Variants in GBF1 observed in about 807,000 individuals in gnomAD.
GBF1 encodes golgi brefeldin A resistant guanine nucleotide exchange factor 1.
In GBF1, 114 loss-of-function variants were observed where a neutral mutation model predicts 210.5. That is an observed-to-expected ratio of 0.54 (90% CI 0.47 to 0.63). The LOEUF (loss-of-function observed/expected upper bound fraction) is 0.63, where lower values mean the gene tolerates loss of function less well. Among genes scored for constraint, GBF1 ranks in the 30% least tolerant of loss-of-function variants. The probability of loss-of-function intolerance (pLI) is 0.00; values close to 1 mark genes in which losing one functional copy is unlikely to be tolerated. For synonymous variants in GBF1, 850 were observed against 889.2 expected (o/e 0.96, Z 0.78); for missense variants, 1,851 against 2,357.7 (o/e 0.79, Z 4.45).
chr10:102,277,094 A>G (rs2133386920), intron 3 of GBF1, among the ~76,000 whole-genome samples: 1 of 152,298 alleles, frequency 6.6e-6, no homozygotes, highest in South Asian at 2.1e-4. Context: ...TGGAAGGCCA[A>G]GATGAGAGGA....
In GBF1 at chr10:102,349,126, G is replaced by T. The variant is rs1452972077; in HGVS notation, c.296-2130G>T. 2.0e-5 allele frequency among the ~76,000 whole-genome samples: 3 copies of T among 152,068 alleles called. No individual in the cohort carries two copies. The South Asian group carries it at 6.2e-4, about 32-fold the overall frequency. ...ATTGCACCACTGCACCCCAGCCTGG[G>T]CGATAGAGCAAGACCCTGTCTATTT... On this transcript the variant is annotated intron_variant, in intron 4 of 39. Transcript: ENST00000369983.
chr10:102,362,374 G>A, intron 14 of GBF1, 101 bp from the exon 15 acceptor site: 1 of 852,576 alleles, frequency 1.2e-6, no homozygotes, highest in Non-Finnish European at 1.9e-6. Flanking sequence ...GTTTTCTAAG[G>A]GCAATGTACA....
chr10:102,352,369 A>C (rs1210796619), intron 6 of GBF1, 89 bp from the exon 7 acceptor site: 5 of 911,006 alleles, frequency 5.5e-6, no homozygotes, highest in Non-Finnish European at 9.2e-6. Flanking sequence ...CTTGGTAAAC[A>C]AGGTTTGGAG....
At chr10:102,314,160 T>TC (rs1265376314) in intron 3 of GBF1, among the ~76,000 whole-genome samples, 38 of 150,658 alleles carry the variant, frequency 2.5e-4, no homozygotes, top group African/African-American at 8.0e-4. Context: ...TTTTTTTTTT[T>TC]CTGGAGTCAG....
At chr10:102,341,487 T>C (rs542956997) in intron 3 of GBF1, among the ~76,000 whole-genome samples, 1 of 152,240 alleles carries the variant, frequency 6.6e-6, no homozygotes, top group Non-Finnish European at 1.5e-5. Context: ...CAAACACTGA[T>C]ACACAAATGT....
upstream of GBF1, among the ~76,000 whole-genome samples, chr10:102,244,776 C>G (rs116121671): frequency 2.5e-3 from 384 of 152,308 alleles, 2 homozygotes; most frequent in African/African-American, 8.8e-3. Flanking sequence ...GGGTTCGTCT[C>G]TCTGCTCTGC....
intron 3 of GBF1, among the ~76,000 whole-genome samples, chr10:102,265,683 C>CAATGAATG (rs559652556): frequency 4.6e-5 from 7 of 151,844 alleles, no homozygotes; most frequent in African/African-American, 7.3e-5. Flanking sequence ...GAGACCCTTT[C>CAATGAATG]AATGAATGAA....
chr10:102,303,708 A>G (rs1188781112), intron 3 of GBF1, among the ~76,000 whole-genome samples: 2 of 152,216 alleles, frequency 1.3e-5, no homozygotes, highest in African/African-American at 4.8e-5. Flanking sequence ...AAGGACTTCA[A>G]AAATTTAATC....
In GBF1 at chr10:102,259,026, A is replaced by G; in HGVS notation, c.88A>G (p.Thr30Ala). ...ACGAAATGCCCGATGGAGCACCCAT[A>G]CACCACTGGTAAGTGGGAAATGGAT... The part of the protein sequence containing the change: ...IKRNARWSTH[T>A]PLDEERDPLL... Residue 30 changes from threonine (T) to alanine (A), a missense_variant, in exon 2 of 40, where the codon ACA (threonine) becomes GCA (alanine). Coordinates refer to ENST00000369983, the MANE Select transcript of GBF1 (RefSeq NM_001377137.1). 6.5e-7 allele frequency: 1 copy of G among 1,539,186 alleles called. No homozygotes were observed. Among genetic ancestry groups the G allele is most frequent in the South Asian group, 1.1e-5 (1 of 89,678 alleles).
chr10:102,365,940 A>G, intron 18 of GBF1, among the ~76,000 whole-genome samples: 1 of 150,890 alleles, frequency 6.6e-6, no homozygotes, highest in East Asian at 1.9e-4. Context: ...TGATAGAGTG[A>G]GACCTTGGCT....
the GBF1 span, among the ~76,000 whole-genome samples, chr10:102,236,267 G>A: frequency 2.6e-5 from 4 of 152,222 alleles, no homozygotes; most frequent in Admixed American, 1.3e-4. Context: ...TCACTCAGTG[G>A]ATAGGGAAGA....
At chr10:102,302,986 CTTT>C (rs1210930617) in intron 3 of GBF1, among the ~76,000 whole-genome samples, 8 of 125,020 alleles carry the variant, frequency 6.4e-5, no homozygotes, top group Non-Finnish European at 3.4e-5. Flanking sequence ...CCATTTTAAG[CTTT>C]TTTTTTTTTT....
chr10:102,298,779 C>T (rs932806889), intron 3 of GBF1, among the ~76,000 whole-genome samples: 1 of 152,180 alleles, frequency 6.6e-6, no homozygotes, highest in African/African-American at 2.4e-5. Flanking sequence ...AGAAGTGGGA[C>T]TGTAAACCTA....
chr10:102,236,443 G>C, the GBF1 span, among the ~76,000 whole-genome samples: 1 of 152,230 alleles, frequency 6.6e-6, no homozygotes. Flanking sequence ...GGATGTGAGG[G>C]ATGTGTGGCC....
At chr10:102,296,959 C>T (rs1038944499) in intron 3 of GBF1, among the ~76,000 whole-genome samples, 2 of 146,462 alleles carry the variant, frequency 1.4e-5, no homozygotes, top group Non-Finnish European at 3.0e-5. Flanking sequence ...GCACAAGGAT[C>T]GTTTGAACCC....
chr10:102,346,965 C>T (rs2058618728), intron 4 of GBF1, among the ~76,000 whole-genome samples: 1 of 152,144 alleles, frequency 6.6e-6, no homozygotes, highest in Admixed American at 6.5e-5. Flanking sequence ...CAATTATTTG[C>T]TCCTAATCTA....
chr10:102,304,895 C>G (rs1170950627), intron 3 of GBF1, among the ~76,000 whole-genome samples: 1 of 150,198 alleles, frequency 6.7e-6, no homozygotes, highest in Non-Finnish European at 1.5e-5. Flanking sequence ...GCCTGTAGTC[C>G]CAGCTACTCA....
At chr10:102,285,791 C>G (rs779427159) in intron 3 of GBF1, among the ~76,000 whole-genome samples, 2 of 152,014 alleles carry the variant, frequency 1.3e-5, no homozygotes, top group Non-Finnish European at 2.9e-5. Context: ...TCCGTTTTTT[C>G]TAGAATTGTA....
intron 3 of GBF1, among the ~76,000 whole-genome samples, chr10:102,293,764 G>GTTATTTTTTTT (rs2076642411): frequency 5.9e-5 from 3 of 50,888 alleles, no homozygotes; most frequent in Non-Finnish European, 1.3e-4. Flanking sequence ...GCTGTAGTAT[G>GTTATTTTTTTT]TTTTGTGTTT....
Sources: gnomAD v4.1 joint callset for allele counts (sites outside exome capture counted in the v4.1 genomes callset) on GRCh38, gnomAD v4.1.1 for gene constraint, MANE v1.5 for transcripts, NCBI Gene and HGNC (gene_info 2026-07-23, HGNC 2026-07-21) for gene names.